The following HCN1 variants were observed in gnomAD, a reference collection of about 807,000 sequenced individuals.
The protein encoded by HCN1 is potassium/sodium hyperpolarization-activated cyclic nucleotide-gated channel 1.
A neutral mutation model predicts 78.9 loss-of-function variants in HCN1; 13 were observed. The ratio of observed to expected loss-of-function variants is 0.16; its 90% confidence interval spans 0.11 to 0.26. The LOEUF is 0.26. Ranked by LOEUF, HCN1 falls within the 10% of genes least tolerant of loss-of-function variation. The pLI, the probability that HCN1 is intolerant of heterozygous loss-of-function variation, is 1.00. For synonymous variants in HCN1, 552 were observed against 455.5 expected, an observed-to-expected ratio of 1.21 and a Z score of -2.70; for missense variants, 810 against 1,154.3, an observed-to-expected ratio of 0.70 and a Z score of 4.32.
intron 5 of HCN1, among the ~76,000 whole-genome samples, chr5:45,318,697 A>T (rs1421643507): frequency 1.3e-5 from 2 of 152,032 alleles, no homozygotes; most frequent in Non-Finnish European, 2.9e-5. Flanking sequence ...ATTTAGTCAC[A>T]GTGTAGGGAG....
At chr5:45,615,897 A>T (rs973104415) in intron 2 of HCN1, among the ~76,000 whole-genome samples, 2 of 151,908 alleles carry the variant, frequency 1.3e-5, no homozygotes, top group Non-Finnish European at 2.9e-5. Context: ...ACAGTTATTC[A>T]ACTCAAAACA....
At chr5:45,318,539 G>A (rs576467820) in intron 5 of HCN1, among the ~76,000 whole-genome samples, 2 of 151,474 alleles carry the variant, frequency 1.3e-5, no homozygotes, top group South Asian at 4.2e-4. Context: ...TTGTGCACAT[G>A]TACCCTAGAA....
rs1346346294 is a variant in HCN1 at position 45,260,730 on chromosome 5, CAAT to C, written c.*1188_*1190del. On this transcript the variant is annotated 3_prime_UTR_variant, in exon 8 of 8. Coordinates refer to ENST00000303230, the MANE Select transcript of HCN1 (RefSeq NM_021072.4). ...CAAATAATTATTTAAATAATAATAG[CAAT>C]AATATTAAATAAAAGTGAAAACCTC... 1.3e-5 allele frequency: 2 copies of C among 152,374 alleles called. No homozygotes were observed. Among genetic ancestry groups the C allele is most frequent in the Admixed American group, 1.3e-4 (2 of 15,246 alleles). 9.4% of individuals were successfully genotyped at this position (152,374 alleles called of 1,614,324 possible).
At chr5:45,659,582 G>C (rs1412965386) in intron 1 of HCN1, among the ~76,000 whole-genome samples, 1 of 146,742 alleles carries the variant, frequency 6.8e-6, no homozygotes, top group Non-Finnish European at 1.5e-5. Flanking sequence ...TGTAAAACTA[G>C]AATAACCAAT....
At chr5:45,373,420 A>G (rs1020369865) in intron 4 of HCN1, among the ~76,000 whole-genome samples, 4 of 134,782 alleles carry the variant, frequency 3.0e-5, no homozygotes, top group African/African-American at 1.1e-4. Context: ...ATATTATAAT[A>G]TATATCCCTC....
chr5:45,274,114 A>C (rs951131392), intron 6 of HCN1, among the ~76,000 whole-genome samples: 7 of 152,168 alleles, frequency 4.6e-5, no homozygotes, highest in Non-Finnish European at 1.0e-4. Context: ...TATAGATATA[A>C]AGAAGGTATT....
chr5:45,424,119 C>CAAAAAAAAAAAA (rs35117761), intron 3 of HCN1, among the ~76,000 whole-genome samples: 10 of 67,846 alleles, frequency 1.5e-4, no homozygotes, highest in East Asian at 3.7e-4. Context: ...ACTAAAAATC[C>CAAAAAAAAAAAA]AAAAAAAAAA....
intron 4 of HCN1, among the ~76,000 whole-genome samples, chr5:45,354,955 A>G (rs555627022): frequency 2.6e-5 from 4 of 152,166 alleles, no homozygotes; most frequent in Middle Eastern, 3.4e-3. Context: ...CTACTAATCT[A>G]GGGAAAATAT....
chr5:45,434,934 T>A (rs1740534039), intron 3 of HCN1, among the ~76,000 whole-genome samples: 1 of 152,098 alleles, frequency 6.6e-6, no homozygotes, highest in Non-Finnish European at 1.5e-5. Context: ...TTAAAGAATA[T>A]TGTAGTCATA....
intron 1 of HCN1, among the ~76,000 whole-genome samples, chr5:45,647,255 A>G (rs1469762140): frequency 6.6e-6 from 1 of 152,204 alleles, no homozygotes; most frequent in Non-Finnish European, 1.5e-5. Flanking sequence ...AAATGGTTTT[A>G]TATCTTCTCA....
intron 6 of HCN1, among the ~76,000 whole-genome samples, chr5:45,299,372 C>G (rs943529470): frequency 1.3e-5 from 2 of 151,814 alleles, no homozygotes; most frequent in East Asian, 1.9e-4. Context: ...AAAGTTTAAC[C>G]GTAAAAAGGG....
At chr5:45,500,502 T>A (rs1742165938) in intron 2 of HCN1, among the ~76,000 whole-genome samples, 1 of 152,336 alleles carries the variant, frequency 6.6e-6, no homozygotes, top group Admixed American at 6.5e-5. Flanking sequence ...CATGCAAACA[T>A]ATGGGTAAAG....
chr5:45,303,175 A>G (rs1745661466), intron 6 of HCN1, among the ~76,000 whole-genome samples: 1 of 152,162 alleles, frequency 6.6e-6, no homozygotes, highest in Admixed American at 6.5e-5. Context: ...CAGTAGGAAT[A>G]TCAAACAGAA....
chr5:45,355,347 C>T (rs1746988204), intron 4 of HCN1, among the ~76,000 whole-genome samples: 1 of 151,870 alleles, frequency 6.6e-6, no homozygotes, highest in Non-Finnish European at 1.5e-5. Flanking sequence ...TGCCAAACCA[C>T]CAATAGCACT....
chr5:45,673,519 A>G (rs1746198911), intron 1 of HCN1, among the ~76,000 whole-genome samples: 2 of 151,622 alleles, frequency 1.3e-5, no homozygotes, highest in South Asian at 4.2e-4. Context: ...CTTTGGGTTT[A>G]TAACTCAATC....
intron 2 of HCN1, among the ~76,000 whole-genome samples, chr5:45,539,675 A>G (rs1272656652): frequency 6.7e-6 from 1 of 149,000 alleles, no homozygotes; most frequent in Non-Finnish European, 1.5e-5. Context: ...AAAAGAAAAG[A>G]AAGAAAACAA....
chr5:45,534,960 C>G (rs931072310), intron 2 of HCN1, among the ~76,000 whole-genome samples: 19 of 152,154 alleles, frequency 1.2e-4, no homozygotes, highest in African/African-American at 4.6e-4. Flanking sequence ...ATCACATGCC[C>G]GACTTGAAAG....
intron 2 of HCN1, among the ~76,000 whole-genome samples, chr5:45,600,876 AG>A (rs1471382469): frequency 3.3e-5 from 5 of 152,168 alleles, no homozygotes; most frequent in Non-Finnish European, 7.4e-5. Context: ...ATGGTTTTGC[AG>A]AAAGGCTAAA....
chr5:45,396,316 T>C (rs1579866846), intron 4 of HCN1, among the ~76,000 whole-genome samples, 176 bp downstream of exon 4: 1 of 152,122 alleles, frequency 6.6e-6, no homozygotes. Flanking sequence ...GCAAAAGATA[T>C]GAGAACTATC....
Sources: gnomAD v4.1 joint callset for allele counts (sites outside exome capture counted in the v4.1 genomes callset) on GRCh38, gnomAD v4.1.1 for gene constraint, MANE v1.5 for transcripts, NCBI Gene and HGNC (gene_info 2026-07-23, HGNC 2026-07-21) for gene names.